The following MAPK8 variants were observed in gnomAD, a reference collection of about 807,000 sequenced individuals.
The protein encoded by MAPK8 is mitogen-activated protein kinase 8.
Under a neutral mutation model 52.9 loss-of-function variants are expected in MAPK8, and 13 were observed. That is an observed-to-expected ratio of 0.25 (90% CI 0.16 to 0.39). The LOEUF is 0.39. Ranked by LOEUF, MAPK8 falls within the 10% of genes least tolerant of loss-of-function variation. MAPK8 has a pLI of 1.00. For missense variants in MAPK8, 300 were observed against 519.2 expected (o/e 0.58, Z 4.10); for synonymous variants, 191 against 169.8 (o/e 1.12, Z -0.97).
At chr10:48,307,791 T>G (rs1841551239) in intron 1 of MAPK8, among the ~76,000 whole-genome samples, 1 of 152,210 alleles carries the variant, frequency 6.6e-6, no homozygotes, top group Non-Finnish European at 1.5e-5. Flanking sequence ...TCCTTGGCAA[T>G]TAGAACATCT....
At chr10:48,422,046 T>TTTATTTAG (rs2043397684) in intron 6 of MAPK8, among the ~76,000 whole-genome samples, 1 of 144,280 alleles carries the variant, frequency 6.9e-6, no homozygotes, top group South Asian at 2.2e-4. Context: ...TATTTATTTA[T>TTTATTTAG]TTTTGAGATG....
chr10:48,351,682 T>C (rs749136318), intron 1 of MAPK8, among the ~76,000 whole-genome samples: 9 of 151,960 alleles, frequency 5.9e-5, no homozygotes, highest in Non-Finnish European at 1.0e-4. Context: ...AAAATCTTAA[T>C]GGGTAAAACT....
chr10:48,363,421 A>T (rs1389823380), intron 1 of MAPK8, among the ~76,000 whole-genome samples: 1 of 152,296 alleles, frequency 6.6e-6, no homozygotes, highest in Non-Finnish European at 1.5e-5. Context: ...TTTATAAATT[A>T]TGTGTGGTCT....
At chr10:48,347,021 A>G (rs1267777626) in intron 1 of MAPK8, among the ~76,000 whole-genome samples, 1 of 152,116 alleles carries the variant, frequency 6.6e-6, no homozygotes, top group African/African-American at 2.4e-5. Context: ...GTCTCCGCGC[A>G]TTGGTGGTAG....
chr10:48,332,467 T>C (rs911029187), intron 1 of MAPK8, among the ~76,000 whole-genome samples: 3 of 152,192 alleles, frequency 2.0e-5, no homozygotes, highest in African/African-American at 7.2e-5. Flanking sequence ...CATCAGGGGT[T>C]TACTTATTTT....
intron 1 of MAPK8, among the ~76,000 whole-genome samples, chr10:48,325,675 T>TA (rs1418087277): frequency 2.6e-5 from 4 of 152,374 alleles, no homozygotes; most frequent in African/African-American, 9.6e-5. Flanking sequence ...CATTATTAAC[T>TA]AAAATCCATA....
intron 1 of MAPK8, among the ~76,000 whole-genome samples, chr10:48,313,316 C>T (rs1182126486): frequency 6.6e-6 from 1 of 151,874 alleles, no homozygotes; most frequent in Non-Finnish European, 1.5e-5. Flanking sequence ...GCCTGTAATC[C>T]CAGCTACTTG....
intron 5 of MAPK8, among the ~76,000 whole-genome samples, chr10:48,412,354 C>T (rs760148701): frequency 1.3e-5 from 2 of 152,154 alleles, no homozygotes; most frequent in Non-Finnish European, 2.9e-5. Flanking sequence ...TCTTAGTATT[C>T]ATTCAGCAGC....
chr10:48,431,079 A>T (rs2044201455), intron 10 of MAPK8, 114 bp from the exon 11 acceptor site: 2 of 690,550 alleles, frequency 2.9e-6, no homozygotes, highest in Non-Finnish European at 5.2e-6. Flanking sequence ...TGTCATTGTA[A>T]GGACACTGTT....
chr10:48,336,755 G>A (rs1844729489), intron 1 of MAPK8, among the ~76,000 whole-genome samples: 2 of 152,116 alleles, frequency 1.3e-5, no homozygotes, highest in Non-Finnish European at 1.5e-5. Flanking sequence ...CAGTGAAAAA[G>A]GCAAAAGGTA....
intron 1 of MAPK8, among the ~76,000 whole-genome samples, chr10:48,360,722 G>C (rs1446510737): frequency 6.6e-6 from 1 of 152,170 alleles, no homozygotes; most frequent in African/African-American, 2.4e-5. Flanking sequence ...TGTATGCCAT[G>C]ATTTCTTTTA....
rs1023120602 is a variant in MAPK8, at chr10:48,310,330, A to C, written c.-50+3509A>C. On this transcript the variant is annotated intron_variant, in intron 1 of 11. Coordinates refer to ENST00000374189, the MANE Select transcript of MAPK8 (RefSeq NM_001323329.2). ...AAAGAGCCCTTCTTGGGTGATAATC[A>C]GAAGCCTAAGTTAAGAACAGTAGTC... is the stretch of plus-strand genomic sequence containing the variant. Among the ~76,000 whole-genome samples the C allele has an allele frequency of 2.0e-5, 3 of 152,224 alleles. No individual in the cohort carries two copies. In the East Asian group the frequency reaches 5.8e-4, roughly 29 times the overall value.
intron 2 of MAPK8, 111 bp from the exon 3 acceptor site, chr10:48,404,741 C>G (rs1169017756): frequency 1.9e-5 from 14 of 741,846 alleles, no homozygotes; most frequent in Non-Finnish European, 2.8e-5. Flanking sequence ...TGGAAGGGAT[C>G]CAGTTACTTG....
chr10:48,389,697 A>G (rs1177316753), intron 1 of MAPK8, among the ~76,000 whole-genome samples: 1 of 152,204 alleles, frequency 6.6e-6, no homozygotes, highest in Non-Finnish European at 1.5e-5. Flanking sequence ...TTAGCCAGGT[A>G]CTACTCAAGG....
In MAPK8 at chr10:48,435,189, G is replaced by A. The variant is rs1034345010; in HGVS notation, c.*160G>A. On this transcript the variant is annotated 3_prime_UTR_variant, in exon 12 of 12. Coordinates refer to ENST00000374189, the MANE Select transcript of MAPK8 (RefSeq NM_001323329.2). ...TTTATTTTTTTTAATTTCAAGTGATGTAATTTAAAACCTAAGTTGTGTTTC... is the reference window on the plus strand; with the variant it reads ...TTTATTTTTTTTAATTTCAAGTGATATAATTTAAAACCTAAGTTGTGTTTC... The A allele has an allele frequency of 3.7e-6, 2 of 538,934 alleles. No individual in the cohort carries two copies. The highest frequency in any genetic ancestry group is 6.2e-6 in the Non-Finnish European group (2 of 324,584). 33.4% of individuals were successfully genotyped at this position (538,934 alleles called of 1,614,324 possible).
At chr10:48,393,366 T>C (rs969264360) in intron 1 of MAPK8, among the ~76,000 whole-genome samples, 4 of 152,300 alleles carry the variant, frequency 2.6e-5, no homozygotes, top group African/African-American at 9.6e-5. Flanking sequence ...TTTGGACTCA[T>C]TGTAGTCCAA....
intron 5 of MAPK8, among the ~76,000 whole-genome samples, chr10:48,412,327 C>A (rs534119540): frequency 6.6e-6 from 1 of 152,294 alleles, no homozygotes; most frequent in African/African-American, 2.4e-5. Context: ...TAGTGCAGAT[C>A]TCTTTATGTT....
At chr10:48,379,299 G>T (rs959196230) in intron 1 of MAPK8, among the ~76,000 whole-genome samples, 2 of 152,172 alleles carry the variant, frequency 1.3e-5, no homozygotes, top group East Asian at 3.9e-4. Context: ...AACTTATTAG[G>T]TCAAGTCTTT....
intron 1 of MAPK8, among the ~76,000 whole-genome samples, chr10:48,330,476 A>T (rs1207618127): frequency 6.6e-6 from 1 of 152,212 alleles, no homozygotes; most frequent in African/African-American, 2.4e-5. Context: ...AAATGAGAGA[A>T]CCCAGCTGTC....
Sources: allele counts gnomAD v4.1 joint callset (sites outside exome capture counted in the v4.1 genomes callset), GRCh38; gene constraint gnomAD v4.1.1; transcripts MANE v1.5; gene names NCBI Gene and HGNC (gene_info 2026-07-23, HGNC 2026-07-21).